PHKG2: variants seen among roughly 807,000 people sequenced by gnomAD.
PHKG2 encodes the protein phosphorylase b kinase gamma catalytic chain, liver/testis isoform.
PHKG2 carries 28 observed loss-of-function variants against 44.5 expected under a neutral mutation model. That is an observed-to-expected ratio of 0.63 (90% CI 0.47 to 0.86). PHKG2 has a LOEUF of 0.86. Ranked by LOEUF, PHKG2 falls within the 40% of genes least tolerant of loss-of-function variation. The pLI is 0.00. For synonymous variants in PHKG2, 220 were observed against 211.2 expected (o/e 1.04, Z -0.36); for missense variants, 498 against 547.5 (o/e 0.91, Z 0.90).
At chr16:30,755,502 CTG>C (rs555334354) in intron 6 of PHKG2, among the ~76,000 whole-genome samples, 26 of 151,724 alleles carry the variant, frequency 1.7e-4, no homozygotes, top group Non-Finnish European at 3.1e-4. Context: ...CGGTGAAAGC[CTG>C]TCTCTACTAA....
At chr16:30,751,414 G>T (rs2053342160) in intron 3 of PHKG2, 133 bp downstream of exon 3, 16 of 1,292,944 alleles carry the variant, frequency 1.2e-5, no homozygotes, top group Admixed American at 6.7e-5. Context: ...GCCATCCGTT[G>T]GGCGCCCACT....
intron 2 of PHKG2, among the ~76,000 whole-genome samples, chr16:30,749,580 G>A (rs1017139018): frequency 2.6e-5 from 4 of 152,196 alleles, no homozygotes; most frequent in Admixed American, 2.6e-4. Flanking sequence ...TCCTGATCTC[G>A]TGATCTGCCC....
In PHKG2 at chr16:30,751,549, T is replaced by C; in HGVS notation, c.272T>C (p.Ile91Thr). Residue 91 changes from isoleucine (I) to threonine (T), a missense_variant and splice_region_variant, in exon 4 of 10, where the codon ATC becomes ACC. Ile to Thr is a moderately conservative substitution (Grantham distance 89). Transcript: ENST00000563588. ...LRQVAGHPHI[I>T]TLIDSYESSS... ...TCTGCCTCTCTTCCTCTCTCCCTAG[T>C]CACCCTCATCGATTCCTACGAGTCT... The C allele has an allele frequency of 6.2e-7, 1 of 1,613,194 alleles. No individual in the cohort carries two copies. The highest frequency in any genetic ancestry group is 8.5e-7 in the Non-Finnish European group (1 of 1,179,094).
Position 30,749,106 on chromosome 16 carries a change from C to CTGCTGCTGG in PHKG2, c.95+196_95+197insCTGGTGCTG, listed in dbSNP as rs1567259550. Among the ~76,000 whole-genome samples, 157 of 50,530 alleles carry CTGCTGCTGG rather than the reference C, an allele frequency of 3.1e-3. 44 individuals are homozygous for CTGCTGCTGG. The highest frequency in any genetic ancestry group is 9.3e-3 in the Middle Eastern group (1 of 108). The allele number at this position is 50,530 out of a possible 152,430, so 33.1% of individuals were successfully genotyped here. On this transcript the variant is annotated intron_variant, in intron 2 of 9. Transcript: ENST00000563588. Reference sequence around the variant, plus strand: ...GGTGGTGGTGCTGCTGCTGCTGCTGCTGCTGGTGGTGCTGGTGCTGGTGGT... The same window carrying CTGCTGCTGG: ...GGTGGTGGTGCTGCTGCTGCTGCTGCTGCTGCTGGTGCTGGTGGTGCTGGTGCTGGTGGT...
At chr16:30,756,139 AG>A (rs1278505200) in intron 6 of PHKG2, 42 bp from the exon 7 acceptor site, 1 of 1,450,518 alleles carries the variant, frequency 6.9e-7, no homozygotes, top group Non-Finnish European at 9.7e-7. Flanking sequence ...AGGGCCCTAG[AG>A]GGGCTGGTGG....
At chr16:30,753,050 T>A (rs1310291107) in intron 4 of PHKG2, 182 bp from the exon 5 acceptor site, 5 of 668,598 alleles carry the variant, frequency 7.5e-6, no homozygotes, top group Middle Eastern at 7.5e-4. Flanking sequence ...ATGCAGGTAT[T>A]TCAGCTGCCA....
At position 30,758,917 on chromosome 16, in the gene PHKG2, TAAAAAC is replaced by T; in HGVS notation, c.*1826_*1831del. Reference sequence around the variant, plus strand: ...GATCATTTAGAGAAAGGACTCTGACTAAAAACAAAAAGTCTGAAGTCCTGATGTCAT... The same window carrying T: ...GATCATTTAGAGAAAGGACTCTGACTAAAAAGTCTGAAGTCCTGATGTCAT... On this transcript the variant is annotated 3_prime_UTR_variant, in exon 10 of 10. Coordinates refer to ENST00000563588, the MANE Select transcript of PHKG2 (RefSeq NM_000294.3). 4 of 1,539,454 alleles carry T rather than the reference TAAAAAC, an allele frequency of 2.6e-6. No homozygotes were observed. The highest frequency in any genetic ancestry group is 3.5e-6 in the Non-Finnish European group (4 of 1,148,674).
rs1348639880 is a variant in PHKG2, at chr16:30,760,605, C to T, written c.*3508C>T. On this transcript the variant is annotated 3_prime_UTR_variant, in exon 10 of 10. Transcript: ENST00000563588. ...CTTCCCACGCCCCCCTCAGTCCCTA[C>T]TCCCTCATCTCAGCATTGGTGGTCT... is the stretch of plus-strand genomic sequence containing the variant. 4 of 1,558,466 alleles carry T rather than the reference C, an allele frequency of 2.6e-6. No individual in the cohort carries two copies. The African/African-American group carries it at 5.5e-5, about 21-fold the overall frequency.
chr16:30,749,636 G>T (rs562971299), intron 2 of PHKG2, among the ~76,000 whole-genome samples: 69 of 152,316 alleles, frequency 4.5e-4, no homozygotes, highest in African/African-American at 1.5e-3. Context: ...GAGCCACCGC[G>T]CCTGGTTGAC....
At chr16:30,749,836 CGTG>C (rs2053321631) in intron 2 of PHKG2, among the ~76,000 whole-genome samples, 1 of 152,118 alleles carries the variant, frequency 6.6e-6, no homozygotes, top group Non-Finnish European at 1.5e-5. Context: ...GAAATTGGCA[CGTG>C]AACGTTAAAA....
At position 30,756,483 on chromosome 16, in the gene PHKG2, C is replaced by T; in HGVS notation, c.764C>T (p.Pro255Leu). The change falls in exon 8 of 10, where the codon CCC (proline) becomes CTC (leucine). Residue 255 changes from proline to leucine, a missense_variant. Physicochemically the swap from Pro to Leu is moderately conservative, Grantham distance 98. Transcript: ENST00000563588. ...IMEGQYQFSS[P>L]EWDDRSSTVK... The stretch of plus-strand genomic sequence containing the variant: ...GAGGGCCAGTACCAGTTCAGTTCCC[C>T]CGAGTGGGATGACCGTTCCAGCACT... 1 of 1,613,498 alleles carries T rather than the reference C, an allele frequency of 6.2e-7. No individual in the cohort carries two copies. The highest frequency in any genetic ancestry group is 8.5e-7 in the Non-Finnish European group (1 of 1,180,006).
At position 30,757,007 on chromosome 16, in the gene PHKG2, GC is replaced by G; in HGVS notation, c.1136del (p.Pro379LeufsTer18). 1.2e-6 allele frequency: 2 copies of G among 1,612,002 alleles called. No homozygotes were observed. ...QNRAALFQHR[P>X]PGPFPIMGPE... ...ACCGGGCGGCTCTCTTTCAGCACCG[GC>G]CCCCTGGGCCTTTTCCCATCATGGG... On this transcript the variant is annotated frameshift_variant, in exon 10 of 10. Coordinates refer to ENST00000563588, the MANE Select transcript of PHKG2 (RefSeq NM_000294.3). LOFTEE classifies it low-confidence loss of function (END_TRUNC).
At chr16:30,750,068 C>T (rs1474727594) in intron 2 of PHKG2, among the ~76,000 whole-genome samples, 1 of 152,126 alleles carries the variant, frequency 6.6e-6, no homozygotes, top group Non-Finnish European at 1.5e-5. Flanking sequence ...ATAATTAAAA[C>T]ATGGCCTCAA....
rs754220889 is a variant in PHKG2, at chr16:30,760,466, AGAG to A, written c.*3373_*3375del. The A allele has an allele frequency of 3.3e-5, 54 of 1,613,430 alleles. No individual in the cohort carries two copies. Among genetic ancestry groups the A allele is most frequent in the Non-Finnish European group, 4.3e-5 (51 of 1,179,648 alleles). ...CTCAGCCAGCACCCTTGGGAGGGAG[AGAG>A]GAGTGAGTGACAACTGGGCCTCCTT... On this transcript the variant is annotated 3_prime_UTR_variant, in exon 10 of 10. Coordinates refer to ENST00000563588, the MANE Select transcript of PHKG2 (RefSeq NM_000294.3).
intron 2 of PHKG2, among the ~76,000 whole-genome samples, chr16:30,750,365 CAGTA>C (rs2053328453): frequency 6.6e-6 from 1 of 152,182 alleles, no homozygotes; most frequent in Non-Finnish European, 1.5e-5. Flanking sequence ...GAGAGCATAA[CAGTA>C]AGGCTCTGCG....
At position 30,760,637 on chromosome 16, in the gene PHKG2, G is replaced by A. The variant is rs1182444120; in HGVS notation, c.*3540G>A. 3 of 1,556,066 alleles carry A rather than the reference G, an allele frequency of 1.9e-6. No individual in the cohort carries two copies. The South Asian group carries it at 3.5e-5, about 18-fold the overall frequency. On this transcript the variant is annotated 3_prime_UTR_variant, in exon 10 of 10. Coordinates refer to ENST00000563588, the MANE Select transcript of PHKG2 (RefSeq NM_000294.3). ...ATCTCAGCATTGGTGGTCTTCTCCA[G>A]CTGGTGCATGGAATGGACGTCCAGG...
At position 30,758,998 on chromosome 16, in the gene PHKG2, C is replaced by A. The variant is rs762557343; in HGVS notation, c.*1901C>A. 6.2e-7 allele frequency: 1 copy of A among 1,614,188 alleles called. No homozygotes were observed. Among genetic ancestry groups the A allele is most frequent in the Non-Finnish European group, 8.5e-7 (1 of 1,180,012 alleles). ...TCAGAGGGACAGGGCAGCCTGCCCTCTCCAGATCCTCACTTGGCTCTGGCT... is the reference window on the plus strand; with the variant it reads ...TCAGAGGGACAGGGCAGCCTGCCCTATCCAGATCCTCACTTGGCTCTGGCT... On this transcript the variant is annotated 3_prime_UTR_variant, in exon 10 of 10. Coordinates refer to ENST00000563588, the MANE Select transcript of PHKG2 (RefSeq NM_000294.3).
Position 30,758,980 on chromosome 16 carries a change from G to T in PHKG2, c.*1883G>T. The T allele has an allele frequency of 6.2e-7, 1 of 1,613,396 alleles. No individual in the cohort carries two copies. The highest frequency in any genetic ancestry group is 8.5e-7 in the Non-Finnish European group (1 of 1,179,680). Reference sequence around the variant, plus strand: ...CCTTCATTCTACACCTGCTCAGAGGGACAGGGCAGCCTGCCCTCTCCAGAT... The same window carrying T: ...CCTTCATTCTACACCTGCTCAGAGGTACAGGGCAGCCTGCCCTCTCCAGAT... On this transcript the variant is annotated 3_prime_UTR_variant, in exon 10 of 10. Transcript: ENST00000563588.
intron 1 of PHKG2, 39 bp downstream of exon 1, chr16:30,748,529 G>T (rs1439872319): frequency 4.2e-6 from 2 of 479,234 alleles, no homozygotes; most frequent in Non-Finnish European, 7.5e-6. Context: ...TCCTGCGCCC[G>T]CCCGAATGCG....
Sources: allele counts gnomAD v4.1 joint callset (sites outside exome capture counted in the v4.1 genomes callset), GRCh38; gene constraint gnomAD v4.1.1; transcripts MANE v1.5; gene names NCBI Gene and HGNC (gene_info 2026-07-23, HGNC 2026-07-21).